Variants in DTNA observed in about 807,000 individuals in gnomAD.
The protein encoded by DTNA is dystrophin-related protein 3.
In DTNA, 43 loss-of-function variants were observed where a neutral mutation model predicts 100.7. The observed-to-expected ratio is 0.43, with a 90% confidence interval of 0.33 to 0.55. The LOEUF (loss-of-function observed/expected upper bound fraction) is 0.55. Among genes scored for constraint, DTNA ranks in the 20% least tolerant of loss-of-function variants. DTNA has a pLI of 0.04. For missense variants in DTNA, 798 were observed against 953.9 expected, an observed-to-expected ratio of 0.84 and a Z score of 2.15; for synonymous variants, 349 against 347.9, an observed-to-expected ratio of 1.00 and a Z score of -0.04.
intron 1 of DTNA, among the ~76,000 whole-genome samples, chr18:34,597,867 T>A (rs1408314533): frequency 6.6e-6 from 1 of 151,934 alleles, no homozygotes; most frequent in Non-Finnish European, 1.5e-5. Flanking sequence ...CACTGTACTT[T>A]CTGTACTTTC....
chr18:34,746,067 A>T (rs2091520896), intron 1 of DTNA, among the ~76,000 whole-genome samples: 1 of 152,070 alleles, frequency 6.6e-6, no homozygotes, highest in African/African-American at 2.4e-5. Flanking sequence ...TACTTTTATA[A>T]ATGTTTATGC....
At chr18:34,877,679 G>C (rs761347923) in intron 18 of DTNA, 40 bp from the exon 19 acceptor site, 75 of 1,568,498 alleles carry the variant, frequency 4.8e-5, no homozygotes, top group Admixed American at 6.7e-5. Flanking sequence ...TAGGATAGAA[G>C]GAAGCTTTGG....
At chr18:34,498,689 G>A (rs998536302) in intron 1 of DTNA, among the ~76,000 whole-genome samples, 1 of 151,756 alleles carries the variant, frequency 6.6e-6, no homozygotes, top group Non-Finnish European at 1.5e-5. Context: ...AACCAAATTG[G>A]GTTTTCTGAA....
At chr18:34,575,656 A>G (rs1341387649) in intron 1 of DTNA, among the ~76,000 whole-genome samples, 2 of 152,132 alleles carry the variant, frequency 1.3e-5, no homozygotes, top group Admixed American at 6.5e-5. Flanking sequence ...CTTTAATACT[A>G]TCTATAGCTG....
intron 1 of DTNA, among the ~76,000 whole-genome samples, chr18:34,653,299 A>C (rs2073880826): frequency 6.6e-6 from 1 of 152,198 alleles, no homozygotes; most frequent in African/African-American, 2.4e-5. Flanking sequence ...TCAATTTTAT[A>C]GTCCTCTACC....
intron 1 of DTNA, among the ~76,000 whole-genome samples, chr18:34,633,309 T>C (rs1301843935): frequency 2.0e-5 from 3 of 152,128 alleles, no homozygotes; most frequent in Non-Finnish European, 2.9e-5. Flanking sequence ...TAGTAATTAA[T>C]GTCAAAGCTA....
At chr18:34,698,591 A>G (rs1463598463) in intron 1 of DTNA, among the ~76,000 whole-genome samples, 1 of 152,240 alleles carries the variant, frequency 6.6e-6, no homozygotes, top group Non-Finnish European at 1.5e-5. Context: ...ATAGATGTAC[A>G]TATAAAGGAG....
At chr18:34,623,406 A>G (rs2147919789) in intron 1 of DTNA, among the ~76,000 whole-genome samples, 1 of 152,324 alleles carries the variant, frequency 6.6e-6, no homozygotes, top group Non-Finnish European at 1.5e-5. Flanking sequence ...AGATAGAAGT[A>G]CCTTTTCTAA....
At chr18:34,641,614 C>T (rs1271545635) in intron 1 of DTNA, among the ~76,000 whole-genome samples, 2 of 152,214 alleles carry the variant, frequency 1.3e-5, no homozygotes, top group African/African-American at 4.8e-5. Context: ...AGATTCTTTT[C>T]TGGAGGAGTT....
At chr18:34,555,550 C>T (rs1025980259) in intron 1 of DTNA, among the ~76,000 whole-genome samples, 7 of 152,056 alleles carry the variant, frequency 4.6e-5, no homozygotes, top group East Asian at 1.9e-4. Flanking sequence ...GCTTTGAATG[C>T]GTCCCAGAGA....
At chr18:34,804,122 G>A (rs572360808) in intron 4 of DTNA, among the ~76,000 whole-genome samples, 17 of 152,198 alleles carry the variant, frequency 1.1e-4, no homozygotes, top group Non-Finnish European at 2.2e-4. Context: ...GAGAAAAGCT[G>A]TTTTCAGAGC....
chr18:34,726,946 A>C (rs775624737), intron 1 of DTNA, among the ~76,000 whole-genome samples: 2 of 152,172 alleles, frequency 1.3e-5, no homozygotes, highest in Non-Finnish European at 2.9e-5. Flanking sequence ...TGCGGCAAGC[A>C]CCAAGGCTTT....
chr18:34,829,627 G>A, intron 11 of DTNA, 138 bp downstream of exon 11: 1 of 918,040 alleles, frequency 1.1e-6, no homozygotes, highest in Non-Finnish European at 1.5e-6. Flanking sequence ...TAATGAAATT[G>A]TGTTGAGACT....
intron 5 of DTNA, among the ~76,000 whole-genome samples, chr18:34,811,367 C>G (rs563358456): frequency 6.6e-6 from 1 of 152,286 alleles, no homozygotes; most frequent in Non-Finnish European, 1.5e-5. Context: ...CCCTGTAAAT[C>G]AAGTGCCTTC....
At chr18:34,661,971 C>T (rs1048227704) in intron 1 of DTNA, among the ~76,000 whole-genome samples, 4 of 152,060 alleles carry the variant, frequency 2.6e-5, no homozygotes, top group African/African-American at 7.2e-5. Context: ...TGTATGTCTG[C>T]GCCTCTGTGT....
At chr18:34,792,058 G>A (rs2094768581) in intron 3 of DTNA, among the ~76,000 whole-genome samples, 1 of 150,034 alleles carries the variant, frequency 6.7e-6, no homozygotes, top group South Asian at 2.1e-4. Context: ...AAAAATCCAA[G>A]TAAAGGACAC....
At chr18:34,580,632 G>A (rs1438100711) in intron 1 of DTNA, among the ~76,000 whole-genome samples, 1 of 152,166 alleles carries the variant, frequency 6.6e-6, no homozygotes, top group Non-Finnish European at 1.5e-5. Context: ...CCTCAGAGAT[G>A]TCTGCGTACT....
In DTNA at chr18:34,891,418, A is replaced by G. The variant is rs1315932690; in HGVS notation, c.*3684A>G. On this transcript the variant is annotated 3_prime_UTR_variant, in exon 23 of 23. Coordinates refer to ENST00000444659, the MANE Select transcript of DTNA (RefSeq NM_001386795.1). ...AAAAACACTATATCTTGGGTGGTTT[A>G]TTCCTTTGTTTCAGTGAATCTTTCC... 6.6e-6 allele frequency: 1 copy of G among 152,546 alleles called. No homozygotes were observed. The highest frequency in any genetic ancestry group is 1.5e-5 in the Non-Finnish European group (1 of 68,032). 9.4% of individuals were successfully genotyped at this position (152,546 alleles called of 1,614,324 possible).
chr18:34,834,104 T>C (rs1157499159), intron 11 of DTNA, among the ~76,000 whole-genome samples: 1 of 152,148 alleles, frequency 6.6e-6, no homozygotes, highest in Non-Finnish European at 1.5e-5. Context: ...TGTGATAATA[T>C]AGCACCTTGA....
Sources: allele counts gnomAD v4.1 joint callset (sites outside exome capture counted in the v4.1 genomes callset), GRCh38; gene constraint gnomAD v4.1.1; transcripts MANE v1.5; gene names NCBI Gene and HGNC (gene_info 2026-07-23, HGNC 2026-07-21).